Variants in DLG2 observed in about 807,000 individuals in gnomAD.
The protein encoded by DLG2 is discs large MAGUK scaffold protein 2.
Under a neutral mutation model 132.5 loss-of-function variants are expected in DLG2, and 45 were observed. The ratio of observed to expected loss-of-function variants is 0.34; its 90% CI spans 0.27 to 0.44. The LOEUF (loss-of-function observed/expected upper bound fraction) is 0.44. DLG2 is among the 20% of genes least tolerant of loss of function. The pLI is 1.00. For missense variants in DLG2, 1,045 were observed against 1,196.9 expected (o/e 0.87, Z 1.87); for synonymous variants, 424 against 419.6 (o/e 1.01, Z -0.13).
At chr11:83,711,424 C>T (rs2085389108) in intron 18 of DLG2, among the ~76,000 whole-genome samples, 2 of 152,214 alleles carry the variant, frequency 1.3e-5, no homozygotes, top group Admixed American at 1.3e-4. Context: ...TGACGTCCAT[C>T]TGTGACTTGA....
chr11:85,550,667 A>C, intron 3 of DLG2, among the ~76,000 whole-genome samples: 1 of 152,254 alleles, frequency 6.6e-6, no homozygotes, highest in Middle Eastern at 3.2e-3. Flanking sequence ...TCAAAGGCAG[A>C]AACATCTGCA....
chr11:85,082,315 G>C (rs1394776893), intron 6 of DLG2, among the ~76,000 whole-genome samples: 3 of 152,040 alleles, frequency 2.0e-5, no homozygotes, highest in African/African-American at 7.2e-5. Context: ...CTTAGAACTG[G>C]AGGAGGGAAA....
At chr11:84,431,465 G>C (rs1355094500) in intron 7 of DLG2, among the ~76,000 whole-genome samples, 1 of 151,968 alleles carries the variant, frequency 6.6e-6, no homozygotes, top group African/African-American at 2.4e-5. Flanking sequence ...AGTCTGGAAG[G>C]CTTCTTAAGT....
intron 7 of DLG2, among the ~76,000 whole-genome samples, chr11:84,314,551 G>A (rs1414231008): frequency 1.3e-5 from 2 of 151,986 alleles, no homozygotes; most frequent in Non-Finnish European, 2.9e-5. Flanking sequence ...ACATATATCA[G>A]TAGTTTTGAG....
chr11:84,852,457 T>C, intron 6 of DLG2, among the ~76,000 whole-genome samples: 1 of 151,966 alleles, frequency 6.6e-6, no homozygotes, highest in East Asian at 1.9e-4. Context: ...TTCAGAAGGA[T>C]TCTGAAGGAA....
At chr11:84,667,052 T>G (rs1453902120) in intron 6 of DLG2, among the ~76,000 whole-genome samples, 1 of 152,188 alleles carries the variant, frequency 6.6e-6, no homozygotes, top group Non-Finnish European at 1.5e-5. Flanking sequence ...ACTTATTTAT[T>G]GATGAGAATG....
intron 17 of DLG2, among the ~76,000 whole-genome samples, chr11:83,801,683 C>T (rs2044427926): frequency 6.6e-6 from 1 of 152,056 alleles, no homozygotes; most frequent in South Asian, 2.1e-4. Flanking sequence ...TTGAAAGTAG[C>T]CTCCCAGCCT....
intron 17 of DLG2, among the ~76,000 whole-genome samples, chr11:83,803,351 G>T (rs1376198006): frequency 6.6e-6 from 1 of 152,050 alleles, no homozygotes; most frequent in Non-Finnish European, 1.5e-5. Flanking sequence ...TCAGGAGTCA[G>T]CATTGGCATT....
intron 27 of DLG2, chr11:83,461,797 G>A: frequency 1.9e-6 from 1 of 523,250 alleles, no homozygotes; most frequent in Non-Finnish European, 3.4e-6. Context: ...CTGGGAGCTG[G>A]CTGCAGCTGA....
At chr11:85,109,111 C>CT (rs2072292007) in intron 6 of DLG2, among the ~76,000 whole-genome samples, 1 of 152,024 alleles carries the variant, frequency 6.6e-6, no homozygotes, top group Non-Finnish European at 1.5e-5. Context: ...CCTCCTGGAT[C>CT]AGTCAGTCCT....
At chr11:84,072,358 A>G (rs577396583) in intron 10 of DLG2, among the ~76,000 whole-genome samples, 1 of 152,350 alleles carries the variant, frequency 6.6e-6, no homozygotes, top group African/African-American at 2.4e-5. Context: ...TTGTCTGTTA[A>G]GTACCTTTAA....
chr11:84,649,796 T>C (rs1024123743), intron 6 of DLG2, among the ~76,000 whole-genome samples: 3 of 152,184 alleles, frequency 2.0e-5, no homozygotes, highest in Non-Finnish European at 2.9e-5. Flanking sequence ...GCTTTATGCC[T>C]GCAATCCTGG....
intron 14 of DLG2, among the ~76,000 whole-genome samples, chr11:83,961,413 G>T (rs973762109): frequency 6.6e-6 from 1 of 151,848 alleles, no homozygotes; most frequent in Non-Finnish European, 1.5e-5. Context: ...AAATTAAAAC[G>T]TTTTCTCTTA....
intron 3 of DLG2, among the ~76,000 whole-genome samples, chr11:85,572,287 A>G (rs987185374): frequency 6.6e-6 from 1 of 152,116 alleles, no homozygotes; most frequent in African/African-American, 2.4e-5. Flanking sequence ...TTTTCATCAC[A>G]TGGAAAATTA....
chr11:84,282,046 C>T (rs1484491309), intron 7 of DLG2, among the ~76,000 whole-genome samples: 1 of 152,148 alleles, frequency 6.6e-6, no homozygotes, highest in Non-Finnish European at 1.5e-5. Flanking sequence ...AAGCACATGT[C>T]TATTCAAAGA....
chr11:84,157,501 G>T (rs992524824), intron 9 of DLG2, among the ~76,000 whole-genome samples: 2 of 152,252 alleles, frequency 1.3e-5, no homozygotes, highest in Admixed American at 1.3e-4. Context: ...CACAATCATA[G>T]TTCTCTGCAG....
intron 6 of DLG2, among the ~76,000 whole-genome samples, chr11:84,909,546 A>G (rs74945144): frequency 0.015 from 2,223 of 152,316 alleles, 157 homozygotes; most frequent in Admixed American, 0.12. Flanking sequence ...CTAGCATGCA[A>G]AAAGCAATCA....
chr11:85,377,215 A>G lies in DLG2; in HGVS notation c.41-91850T>C, dbSNP rs139910057. Among the ~76,000 whole-genome samples, 650 of 152,322 alleles carry G rather than the reference A, an allele frequency of 4.3e-3. 9 individuals are homozygous for G. The highest frequency in any genetic ancestry group is 0.015 in the African/African-American group (603 of 41,572). ...ATGGCTTTAAAATATTAATGCAAGT[A>G]CAAATTAAATCTGTAACACATAATG... is the stretch of plus-strand genomic sequence containing the variant. On this transcript the variant is annotated intron_variant, in intron 3 of 27. Coordinates refer to ENST00000376104, the MANE Select transcript of DLG2 (RefSeq NM_001142699.3).
At chr11:83,512,014 G>A (rs2095054941) in intron 21 of DLG2, among the ~76,000 whole-genome samples, 1 of 152,224 alleles carries the variant, frequency 6.6e-6, no homozygotes, top group Admixed American at 6.5e-5. Flanking sequence ...TAATTGCTAT[G>A]TTGGAAATTT....
Sources: gnomAD v4.1 joint callset for allele counts (sites outside exome capture counted in the v4.1 genomes callset) on GRCh38, gnomAD v4.1.1 for gene constraint, MANE v1.5 for transcripts, NCBI Gene and HGNC (gene_info 2026-07-23, HGNC 2026-07-21) for gene names.